The following EPHA5 variants were observed in gnomAD, a reference collection of about 807,000 sequenced individuals.
EPHA5 encodes EPH receptor A5.
In EPHA5, 60 loss-of-function variants were observed where a neutral mutation model predicts 105.0. That is an observed-to-expected ratio of 0.57 (90% CI 0.46 to 0.71). The LOEUF is 0.71. Ranked by LOEUF, EPHA5 falls within the 30% of genes least tolerant of loss-of-function variation. The pLI, the probability that EPHA5 is intolerant of heterozygous loss-of-function variation, is 0.00. For missense variants in EPHA5, 1,218 were observed against 1,274.7 expected (o/e 0.96, Z 0.68); for synonymous variants, 513 against 449.1 (o/e 1.14, Z -1.80).
intron 14 of EPHA5, among the ~76,000 whole-genome samples, chr4:65,339,016 A>G (rs1398056513): frequency 6.6e-6 from 1 of 152,188 alleles, no homozygotes; most frequent in Non-Finnish European, 1.5e-5. Context: ...GAGAATTTTT[A>G]CAGGCAAGCT....
chr4:65,635,179 C>T (rs773222537), intron 2 of EPHA5, among the ~76,000 whole-genome samples: 4 of 151,902 alleles, frequency 2.6e-5, no homozygotes, highest in South Asian at 2.1e-4. Context: ...CAGAACAAAG[C>T]GACAATAAAA....
chr4:65,430,890 T>C (rs544724037), intron 5 of EPHA5, among the ~76,000 whole-genome samples: 6 of 152,254 alleles, frequency 3.9e-5, no homozygotes, highest in Admixed American at 3.9e-4. Context: ...GCAAAGCTGA[T>C]TATAAAAAGC....
chr4:65,666,324 G>C (rs1749961718), intron 1 of EPHA5, among the ~76,000 whole-genome samples: 2 of 152,168 alleles, frequency 1.3e-5, no homozygotes, highest in Non-Finnish European at 2.9e-5. Context: ...AATTAAGCTT[G>C]ATTCACTGCG....
chr4:65,479,328 G>A (rs1184450540), intron 5 of EPHA5, among the ~76,000 whole-genome samples: 2 of 152,100 alleles, frequency 1.3e-5, no homozygotes, highest in Non-Finnish European at 2.9e-5. Context: ...GAAGAGATAG[G>A]ATGGAAACCA....
intron 3 of EPHA5, among the ~76,000 whole-genome samples, chr4:65,591,434 T>C (rs544449780): frequency 1.3e-5 from 2 of 152,064 alleles, no homozygotes; most frequent in Admixed American, 6.5e-5. Flanking sequence ...TTAGGAGTAT[T>C]TATGCTAAAA....
At chr4:65,628,680 GT>G (rs1235602153) in intron 2 of EPHA5, among the ~76,000 whole-genome samples, 2 of 152,130 alleles carry the variant, frequency 1.3e-5, no homozygotes, top group Non-Finnish European at 2.9e-5. Context: ...AGAGAAGTTT[GT>G]TTAATGAAGT....
chr4:65,413,452 C>T (rs2149015788), intron 7 of EPHA5, among the ~76,000 whole-genome samples: 1 of 152,146 alleles, frequency 6.6e-6, no homozygotes, highest in Non-Finnish European at 1.5e-5. Flanking sequence ...AATAACTCTT[C>T]TGATTCTTAC....
intron 3 of EPHA5, among the ~76,000 whole-genome samples, chr4:65,502,263 G>A (rs1038014979): frequency 6.6e-6 from 1 of 151,300 alleles, no homozygotes; most frequent in East Asian, 1.9e-4. Context: ...CGGGATCTAA[G>A]TAAACTAAAG....
Position 65,321,522 on chromosome 4 carries a change from C to G in EPHA5, c.*2592G>C, listed in dbSNP as rs1438463960. The stretch of plus-strand genomic sequence containing the variant: ...GAGAGTACTTGTTGTTTGACAGTCT[C>G]TTTATTCATTCTAAAGTCATATTAA... On this transcript the variant is annotated 3_prime_UTR_variant, in exon 17 of 17. Coordinates refer to ENST00000613740, the MANE Select transcript of EPHA5 (RefSeq NM_001281766.3). 3 of 228,854 alleles carry G rather than the reference C, an allele frequency of 1.3e-5. No individual in the cohort carries two copies. Among genetic ancestry groups the G allele is most frequent in the African/African-American group, 4.4e-5 (2 of 45,034 alleles). The allele number at this position is 228,854 out of a possible 1,614,324, so 14.2% of individuals were successfully genotyped here. A position where few individuals can be genotyped will look rare whatever the true frequency, so the allele number is the denominator to read the frequency against.
At chr4:65,527,605 A>G (rs924652059) in intron 3 of EPHA5, among the ~76,000 whole-genome samples, 9 of 152,220 alleles carry the variant, frequency 5.9e-5, no homozygotes, top group African/African-American at 2.2e-4. Context: ...AACTCCTATG[A>G]TTTGGTAGAA....
chr4:65,372,067 G>A (rs189687108), intron 8 of EPHA5, among the ~76,000 whole-genome samples: 11 of 151,926 alleles, frequency 7.2e-5, no homozygotes, highest in Admixed American at 2.6e-4. Flanking sequence ...ATTTAGCCTC[G>A]TTTAAAGCCA....
chr4:65,638,596 G>T (rs1161255736), intron 2 of EPHA5, among the ~76,000 whole-genome samples: 1 of 152,064 alleles, frequency 6.6e-6, no homozygotes, highest in Non-Finnish European at 1.5e-5. Flanking sequence ...AAAATTAGCC[G>T]GGTGTGGTGG....
intron 5 of EPHA5, among the ~76,000 whole-genome samples, chr4:65,443,022 T>C (rs1726168212): frequency 2.6e-5 from 4 of 152,216 alleles, no homozygotes; most frequent in African/African-American, 7.2e-5. Flanking sequence ...ACAAACTATA[T>C]ATTCTCCAAC....
At chr4:65,487,822 T>C (rs954795979) in intron 5 of EPHA5, among the ~76,000 whole-genome samples, 1 of 152,206 alleles carries the variant, frequency 6.6e-6, no homozygotes, top group Admixed American at 6.5e-5. Context: ...GCTGGCTCTA[T>C]GTGTATTAAA....
chr4:65,404,723 TA>T lies in EPHA5; in HGVS notation c.1688-245del, dbSNP rs1722191128. 2.6e-5 allele frequency among the ~76,000 whole-genome samples: 4 copies of T among 152,148 alleles called. No homozygotes were observed. The South Asian group carries it at 8.3e-4, about 31-fold the overall frequency. ...GTCACTGATTATTTCCTTGTCATAA[TA>T]AAAAATGAATGCATGTTGTTTGCAT... On this transcript the variant is annotated intron_variant, in intron 7 of 16. Coordinates refer to ENST00000613740, the MANE Select transcript of EPHA5 (RefSeq NM_001281766.3).
intron 3 of EPHA5, among the ~76,000 whole-genome samples, chr4:65,554,057 C>T (rs1578408848): frequency 6.6e-6 from 1 of 151,370 alleles, no homozygotes; most frequent in African/African-American, 2.4e-5. Context: ...AAAATTACTA[C>T]GTATCTACAA....
At chr4:65,584,606 A>G (rs891026006) in intron 3 of EPHA5, among the ~76,000 whole-genome samples, 1 of 151,906 alleles carries the variant, frequency 6.6e-6, no homozygotes, top group African/African-American at 2.4e-5. Context: ...CCTATTAGAA[A>G]AGTGTCTCTA....
intron 2 of EPHA5, among the ~76,000 whole-genome samples, chr4:65,623,282 T>C (rs1290775406): frequency 6.6e-6 from 1 of 152,094 alleles, no homozygotes; most frequent in African/African-American, 2.4e-5. Flanking sequence ...CTGATGCCTG[T>C]AATTCTTTTG....
chr4:65,420,512 A>G lies in EPHA5; in HGVS notation c.1456T>C (p.Ser486Pro). ...CGATCTGGTTCTTGCCAAGACAAAG[A>G]GATGCTGTTTTTTGCAATTTTCCCT... ...KKGKIAKNSI[S>P]LSWQEPDRPN... The change falls in exon 6 of 17, where the codon TCT becomes CCT. Residue 486 changes from serine to proline, a missense_variant. Physicochemically the swap from Ser to Pro is moderately conservative, Grantham distance 74 (BLOSUM62 -1). Coordinates refer to ENST00000613740, the MANE Select transcript of EPHA5 (RefSeq NM_001281766.3). The G allele has an allele frequency of 6.2e-7, 1 of 1,613,258 alleles. No individual in the cohort carries two copies. Among genetic ancestry groups the G allele is most frequent in the Non-Finnish European group, 8.5e-7 (1 of 1,179,538 alleles).
Sources: gnomAD v4.1 joint callset for allele counts (sites outside exome capture counted in the v4.1 genomes callset) on GRCh38, gnomAD v4.1.1 for gene constraint, MANE v1.5 for transcripts, NCBI Gene and HGNC (gene_info 2026-07-23, HGNC 2026-07-21) for gene names.